Variants in PRKRA observed in about 807,000 individuals in gnomAD.
PRKRA encodes the protein protein activator of interferon induced protein kinase EIF2AK2, also known as interferon-inducible double-stranded RNA-dependent protein kinase activator A.
Under a neutral mutation model 32.4 loss-of-function variants are expected in PRKRA, and 22 were observed. That is an observed-to-expected ratio of 0.68 (90% confidence interval 0.49 to 0.97). The LOEUF (loss-of-function observed/expected upper bound fraction) is 0.97. PRKRA is among the 50% of genes least tolerant of loss of function. PRKRA has a pLI of 0.00. For synonymous variants in PRKRA, 139 were observed against 129.8 expected (o/e 1.07, Z -0.48); for missense variants, 319 against 375.6 (o/e 0.85, Z 1.25).
chr2:178,450,738 G>A (rs1424153370), intron 1 of PRKRA: 5 of 1,363,730 alleles, frequency 3.7e-6, no homozygotes, highest in Non-Finnish European at 4.7e-6. Context: ...CCGACCGAGC[G>A]TCACCTCCGC....
Position 178,450,354 on chromosome 2 carries a change from T to C in PRKRA, c.123A>G (p.Glu41=). 1 of 1,614,284 alleles carries C rather than the reference T, an allele frequency of 6.2e-7. No homozygotes were observed. The highest frequency in any genetic ancestry group is 1.6e-4 in the Middle Eastern group (1 of 6,062). ...PGKTPIQVLH[E]YGMKTKNIPV... is the part of the protein sequence containing the mutation. ...GGATGTTCTTGGTCTTCATGCCGTA[T>C]TCGTGTAATACCTGAATCGGTGTTT... is the stretch of plus-strand genomic sequence containing the variant. The change falls in exon 2 of 8, where the codon GAA becomes GAG. Residue 41 remains glutamate (E), a synonymous_variant. Coordinates refer to ENST00000325748, the MANE Select transcript of PRKRA (RefSeq NM_003690.5).
At chr2:178,441,535 T>A (rs1697113792) in intron 6 of PRKRA, 75 bp downstream of exon 6, 1 of 1,192,744 alleles carries the variant, frequency 8.4e-7, no homozygotes, top group African/African-American at 1.5e-5. Flanking sequence ...AGCTATAGAA[T>A]AAGAAATCAA....
intron 6 of PRKRA, among the ~76,000 whole-genome samples, chr2:178,437,102 G>T (rs528087768): frequency 5.3e-5 from 8 of 152,222 alleles, no homozygotes; most frequent in South Asian, 2.1e-4. Flanking sequence ...CACGACAGAG[G>T]GGAGGCAATT....
rs888759233 is a variant in PRKRA, at chr2:178,451,027, A to T, written c.4T>A (p.Ser2Thr). The change falls in exon 1 of 8, where the codon TCC (serine) becomes ACC (threonine). Residue 2 changes from serine (S) to threonine (T), a missense_variant. Ser to Thr is a moderately conservative substitution (Grantham distance 58, BLOSUM62 1). Transcript: ENST00000325748. The stretch of plus-strand genomic sequence containing the variant: ...GCCTCGGCGCGGTGCCTGCTCTGGG[A>T]CATGGCGAGAAGGGACGGCTCAGCG... MSQSRHRAEAPP... is the reference protein window; with the variant it reads MTQSRHRAEAPP... 1 of 1,556,500 alleles carries T rather than the reference A, an allele frequency of 6.4e-7. No homozygotes were observed.
chr2:178,441,561 G>C (rs778966655), intron 6 of PRKRA, 49 bp downstream of exon 6: 2 of 1,101,524 alleles, frequency 1.8e-6, no homozygotes, highest in African/African-American at 3.8e-5. Context: ...GTTTCCTACT[G>C]CAAGAAATGC....
At chr2:178,449,162 T>C (rs572417865) in intron 2 of PRKRA, among the ~76,000 whole-genome samples, 1 of 152,266 alleles carries the variant, frequency 6.6e-6, no homozygotes, top group East Asian at 1.9e-4. Context: ...GGTTGTTAAT[T>C]TGGGGTCTAA....
intron 3 of PRKRA, chr2:178,447,236 G>T: frequency 2.5e-6 from 1 of 401,170 alleles, no homozygotes; most frequent in South Asian, 4.1e-5. Context: ...ATATTTGCAA[G>T]AAGCACTGAT....
intron 2 of PRKRA, 115 bp downstream of exon 2, chr2:178,450,127 C>G (rs1697506470): frequency 2.3e-6 from 3 of 1,277,192 alleles, no homozygotes; most frequent in Non-Finnish European, 3.3e-6. Context: ...GTCTCAGTTT[C>G]AGAGCCTGTT....
rs3997880 is a variant in PRKRA, at chr2:178,431,654, ACAAT to A, written c.*439_*442del. ...GACCAATCATGTTCCCTGAAATTTA[ACAAT>A]CAATCATACTTAATAAAGGCCTGTT... On this transcript the variant is annotated 3_prime_UTR_variant, in exon 8 of 8. Coordinates refer to ENST00000325748, the MANE Select transcript of PRKRA (RefSeq NM_003690.5). The A allele has an allele frequency of 0.24, 44,761 of 189,578 alleles. 16 individuals carry two copies. Among genetic ancestry groups the A allele is most frequent in the East Asian group, 0.28 (2,276 of 8,164 alleles). 11.7% of individuals were successfully genotyped at this position (189,578 alleles called of 1,614,324 possible).
intron 2 of PRKRA, among the ~76,000 whole-genome samples, chr2:178,449,642 TATA>T (rs1431833410): frequency 2.6e-5 from 4 of 152,254 alleles, no homozygotes; most frequent in Non-Finnish European, 4.4e-5. Context: ...GCATGTTACT[TATA>T]ATCTCTCTGA....
chr2:178,433,835 C>T (rs566319665), intron 7 of PRKRA: 1 of 152,302 alleles, frequency 6.6e-6, no homozygotes, highest in South Asian at 2.1e-4. Flanking sequence ...TTGAAGGTAG[C>T]TGCATATAAA....
chr2:178,444,279 G>T (rs1266139037), intron 4 of PRKRA, 143 bp downstream of exon 4: 15 of 707,948 alleles, frequency 2.1e-5, no homozygotes, highest in Non-Finnish European at 3.4e-5. Flanking sequence ...TTTCAAGTTA[G>T]CTCTGTTAAT....
Position 178,446,440 on chromosome 2 carries a change from A to G in PRKRA, c.317+1065T>C, listed in dbSNP as rs369322426. On this transcript the variant is annotated intron_variant, in intron 3 of 7. Transcript: ENST00000325748. ...GTCACTGGTTAGTTCTAAACTACCC[A>G]AACGGTTTAGAATGATTTACAAAAA... Among the ~76,000 whole-genome samples, 7 of 152,346 alleles carry G rather than the reference A, an allele frequency of 4.6e-5. No individual in the cohort carries two copies. In the East Asian group the frequency reaches 7.7e-4, roughly 17 times the overall value.
chr2:178,438,258 A>G (rs1696981172), intron 6 of PRKRA, among the ~76,000 whole-genome samples: 2 of 152,200 alleles, frequency 1.3e-5, no homozygotes, highest in African/African-American at 4.8e-5. Context: ...TTTATGTTCA[A>G]ATCTTTGATC....
Position 178,451,037 on chromosome 2 carries a change from A to G in PRKRA, c.-7T>C. The G allele has an allele frequency of 6.4e-7, 1 of 1,555,740 alleles. No individual in the cohort carries two copies. Among genetic ancestry groups the G allele is most frequent in the Non-Finnish European group, 8.6e-7 (1 of 1,156,084 alleles). On this transcript the variant is annotated 5_prime_UTR_variant, in exon 1 of 8. Transcript: ENST00000325748. ...GGTGCCTGCTCTGGGACATGGCGAG[A>G]AGGGACGGCTCAGCGGCTGGAGGAA...
chr2:178,450,708 A>T, intron 1 of PRKRA: 1 of 1,394,786 alleles, frequency 7.2e-7, no homozygotes. Context: ...GGAAAACCTG[A>T]CGATCCCTTC....
intron 1 of PRKRA, chr2:178,450,704 C>T: frequency 2.9e-6 from 4 of 1,400,280 alleles, no homozygotes; most frequent in East Asian, 2.6e-5. Context: ...TCAGGGAAAA[C>T]CTGACGATCC....
rs910012001 is a variant in PRKRA at position 178,431,715 on chromosome 2, G to T, written c.*382C>A. On this transcript the variant is annotated 3_prime_UTR_variant, in exon 8 of 8. Coordinates refer to ENST00000325748, the MANE Select transcript of PRKRA (RefSeq NM_003690.5). ...GTCCCTCAAGACTCTAATTCTAAAGGGCTTCCTTTGAATTCCCTTTATAAA... is the reference window on the plus strand; with the variant it reads ...GTCCCTCAAGACTCTAATTCTAAAGTGCTTCCTTTGAATTCCCTTTATAAA... 3 of 279,464 alleles carry T rather than the reference G, an allele frequency of 1.1e-5. No homozygotes were observed. The highest frequency in any genetic ancestry group is 1.3e-3 in the Middle Eastern group (1 of 776). The allele number at this position is 279,464 out of a possible 1,614,324, so 17.3% of individuals were successfully genotyped here. A position where few individuals can be genotyped will look rare whatever the true frequency, so the allele number is the denominator to read the frequency against.
At chr2:178,437,993 G>C (rs1023529523) in intron 6 of PRKRA, among the ~76,000 whole-genome samples, 1 of 152,158 alleles carries the variant, frequency 6.6e-6, no homozygotes, top group African/African-American at 2.4e-5. Flanking sequence ...ATGTGCTGCT[G>C]TGTGCAGCAG....
Sources: gnomAD v4.1 joint callset for allele counts (sites outside exome capture counted in the v4.1 genomes callset) on GRCh38, gnomAD v4.1.1 for gene constraint, MANE v1.5 for transcripts, NCBI Gene and HGNC (gene_info 2026-07-23, HGNC 2026-07-21) for gene names.